Variants in RIMS1 observed in about 807,000 individuals in gnomAD.
RIMS1 encodes regulating synaptic membrane exocytosis protein 1.
RIMS1 carries 83 observed loss-of-function variants against 214.1 expected under a neutral mutation model. That is an observed-to-expected ratio of 0.39 (90% CI 0.32 to 0.47). RIMS1 has a LOEUF of 0.47. Among genes scored for constraint, RIMS1 ranks in the 20% least tolerant of loss-of-function variants. The probability of loss-of-function intolerance (pLI) is 0.99; values close to 1 mark genes in which losing one functional copy is unlikely to be tolerated. For synonymous variants in RIMS1, 793 were observed against 786.8 expected, an observed-to-expected ratio of 1.01 and a Z score of -0.13; for missense variants, 2,050 against 2,161.8, an observed-to-expected ratio of 0.95 and a Z score of 1.03.
chr6:72,058,265 T>C (rs573706958), intron 2 of RIMS1, among the ~76,000 whole-genome samples: 1 of 152,346 alleles, frequency 6.6e-6, no homozygotes, highest in Non-Finnish European at 1.5e-5. Flanking sequence ...ACTCTCAGAC[T>C]AGCCTCAGAG....
intron 2 of RIMS1, among the ~76,000 whole-genome samples, chr6:72,045,872 T>G (rs563157580): frequency 4.4e-4 from 67 of 150,900 alleles, no homozygotes; most frequent in African/African-American, 1.5e-3. Context: ...TATTTATTGG[T>G]GTTAAGTTTT....
Position 72,274,438 on chromosome 6 carries a change from A to G in RIMS1, c.3482+6A>G, listed in dbSNP as rs774534544. ...GCGTCTCCGGAGAATGACAGGTACT[A>G]GTCAACTCCTCCTCACAGACAAGTG... On this transcript the variant is annotated splice_donor_region_variant and intron_variant, in intron 23 of 33. Transcript: ENST00000521978. 18 of 1,606,682 alleles carry G rather than the reference A, an allele frequency of 1.1e-5. No individual in the cohort carries two copies. In the African/African-American group the frequency reaches 2.3e-4, roughly 20 times the overall value.
chr6:72,291,871 A>G (rs2093437849), intron 25 of RIMS1, 63 bp from the exon 26 acceptor site: 1 of 1,216,328 alleles, frequency 8.2e-7, no homozygotes, highest in Admixed American at 2.0e-5. Context: ...AAAGGAGGAA[A>G]GATTTTTGTC....
At chr6:72,263,859 G>A (rs2079193794) in intron 19 of RIMS1, 1 of 406,638 alleles carries the variant, frequency 2.5e-6, no homozygotes. Flanking sequence ...TGGGCATGGT[G>A]GCAGGTGCTT....
chr6:71,995,267 GTTTCCAAATTGAA>G lies in RIMS1; in HGVS notation c.245+26214_245+26226del, dbSNP rs377324789. 4.3e-3 allele frequency among the ~76,000 whole-genome samples: 652 copies of G among 152,290 alleles called. 7 individuals are homozygous for G. Among genetic ancestry groups the G allele is most frequent in the African/African-American group, 0.015 (612 of 41,570 alleles). On this transcript the variant is annotated intron_variant, in intron 2 of 33. Transcript: ENST00000521978. Reference sequence around the variant, plus strand: ...AAAGGAAATTAATTTAGAAATGACTGTTTCCAAATTGAATTTCCAAATGTTAAGCTAGTTCCTC... The same window carrying G: ...AAAGGAAATTAATTTAGAAATGACTGTTTCCAAATGTTAAGCTAGTTCCTC...
chr6:72,172,200 A>C (rs1047630568), intron 4 of RIMS1, among the ~76,000 whole-genome samples: 3 of 152,188 alleles, frequency 2.0e-5, no homozygotes, highest in Non-Finnish European at 4.4e-5. Context: ...TTAACGGTAC[A>C]ACTTAAATGA....
intron 2 of RIMS1, among the ~76,000 whole-genome samples, chr6:72,007,325 C>T (rs1342804217): frequency 6.6e-6 from 1 of 152,176 alleles, no homozygotes; most frequent in Non-Finnish European, 1.5e-5. Flanking sequence ...CCCATCTGTA[C>T]ATCACCATCA....
intron 6 of RIMS1, chr6:72,212,823 C>A: frequency 1.9e-6 from 2 of 1,059,906 alleles, no homozygotes; most frequent in South Asian, 4.0e-5. Context: ...TAAATGCTAC[C>A]AGTCCCCACA....
At chr6:72,345,072 A>G (rs1162639026) in intron 29 of RIMS1, among the ~76,000 whole-genome samples, 1 of 151,828 alleles carries the variant, frequency 6.6e-6, no homozygotes, top group Non-Finnish European at 1.5e-5. Context: ...GCATGAGATC[A>G]GTTTCAAAAT....
intron 26 of RIMS1, among the ~76,000 whole-genome samples, chr6:72,306,844 A>G (rs1201911376): frequency 6.6e-6 from 1 of 152,202 alleles, no homozygotes; most frequent in African/African-American, 2.4e-5. Flanking sequence ...GGGTGTGTGC[A>G]TGCATGTAAG....
intron 2 of RIMS1, among the ~76,000 whole-genome samples, chr6:72,085,849 A>G (rs982566932): frequency 2.0e-5 from 3 of 152,184 alleles, no homozygotes; most frequent in African/African-American, 7.2e-5. Context: ...CATAATTAAA[A>G]TTAGCATTCT....
chr6:72,211,270 CAG>C (rs1396518154), intron 6 of RIMS1, among the ~76,000 whole-genome samples: 1 of 152,152 alleles, frequency 6.6e-6, no homozygotes, highest in Non-Finnish European at 1.5e-5. Flanking sequence ...GCTCACACAG[CAG>C]AGTTAGCCAG....
intron 14 of RIMS1, 33 bp downstream of exon 14, chr6:72,251,125 G>GT (rs1281878358): frequency 1.3e-6 from 2 of 1,557,816 alleles, no homozygotes; most frequent in Non-Finnish European, 1.7e-6. Context: ...AAGTCAAATA[G>GT]TTAATAAAGT....
chr6:71,974,897 A>G (rs1396794538), intron 2 of RIMS1, among the ~76,000 whole-genome samples: 1 of 152,156 alleles, frequency 6.6e-6, no homozygotes, highest in African/African-American at 2.4e-5. Flanking sequence ...AACATAAACC[A>G]TTAAAACAAG....
chr6:72,212,912 C>T lies in RIMS1; in HGVS notation c.1679-20861C>T, dbSNP rs150729722. 7.8e-4 allele frequency: 1,054 copies of T among 1,345,464 alleles called. 7 individuals are homozygous for T. In the African/African-American group the frequency reaches 0.012, roughly 15 times the overall value. The allele number at this position is 1,345,464 out of a possible 1,614,324, so 83.3% of individuals were successfully genotyped here. ...GTAACTGCACAGTGCCTGCAGTGAC[C>T]TGAGTCAGTCATGCAAGGAGACTTT... On this transcript the variant is annotated intron_variant, in intron 6 of 33. Transcript: ENST00000521978.
At chr6:71,898,915 A>G (rs984014664) in intron 1 of RIMS1, among the ~76,000 whole-genome samples, 2 of 151,946 alleles carry the variant, frequency 1.3e-5, no homozygotes, top group Non-Finnish European at 2.9e-5. Flanking sequence ...ACACATTCAA[A>G]CATTTAATTT....
intron 6 of RIMS1, among the ~76,000 whole-genome samples, chr6:72,208,779 T>G (rs897115634): frequency 6.6e-6 from 1 of 152,180 alleles, no homozygotes; most frequent in Admixed American, 6.5e-5. Context: ...GTTCCTTTCC[T>G]ACCCAAACGT....
chr6:72,002,821 TACC>T (rs1244098734), intron 2 of RIMS1, among the ~76,000 whole-genome samples: 5 of 152,130 alleles, frequency 3.3e-5, no homozygotes, highest in African/African-American at 1.2e-4. Context: ...GAGTGTTGTT[TACC>T]CTTTCATCCA....
chr6:71,967,478 G>A (rs1272429356), intron 1 of RIMS1, among the ~76,000 whole-genome samples: 1 of 152,170 alleles, frequency 6.6e-6, no homozygotes, highest in Non-Finnish European at 1.5e-5. Context: ...TAACTTGCTG[G>A]ACATTTTAGC....
Sources: allele counts gnomAD v4.1 joint callset (sites outside exome capture counted in the v4.1 genomes callset), GRCh38; gene constraint gnomAD v4.1.1; transcripts MANE v1.5; gene names NCBI Gene and HGNC (gene_info 2026-07-23, HGNC 2026-07-21).